The following DIS3 variants were observed in gnomAD, a reference collection of about 807,000 sequenced individuals.
DIS3 encodes DIS3 exosome endoribonuclease and 3'-5' exoribonuclease.
In DIS3, 103 loss-of-function variants were observed where a neutral mutation model predicts 113.0. That is an observed-to-expected ratio of 0.91 (90% confidence interval 0.78 to 1.07). The LOEUF (loss-of-function observed/expected upper bound fraction) is 1.07, where lower values mean the gene tolerates loss of function less well. Ranked by LOEUF, DIS3 falls within the 50% of genes least tolerant of loss-of-function variation. The pLI is 0.00. For synonymous variants in DIS3, 402 were observed against 394.3 expected (o/e 1.02, Z -0.23); for missense variants, 1,121 against 1,167.1 (o/e 0.96, Z 0.58).
intron 14 of DIS3, among the ~76,000 whole-genome samples, chr13:72,768,306 A>T (rs1163851244): frequency 1.3e-5 from 2 of 152,208 alleles, no homozygotes; most frequent in African/African-American, 4.8e-5. Flanking sequence ...AATTACAAGG[A>T]TGGAACTCCT....
At chr13:72,777,069 TC>T (rs2034033721) in intron 4 of DIS3, among the ~76,000 whole-genome samples, 1 of 152,160 alleles carries the variant, frequency 6.6e-6, no homozygotes, top group African/African-American at 2.4e-5. Context: ...ATCTGGACAC[TC>T]CCCTCCCTCT....
At chr13:72,779,879 T>C (rs2058869489) in intron 2 of DIS3, among the ~76,000 whole-genome samples, 1 of 152,134 alleles carries the variant, frequency 6.6e-6, no homozygotes, top group Non-Finnish European at 1.5e-5. Context: ...CAGTTCAAAA[T>C]ATCTATAATG....
intron 19 of DIS3, 129 bp downstream of exon 19, chr13:72,761,234 A>T: frequency 8.4e-7 from 1 of 1,192,698 alleles, no homozygotes; most frequent in East Asian, 2.7e-5. Context: ...ATTTTCTGGC[A>T]TGTATTTGGA....
chr13:72,780,908 G>C lies in DIS3; in HGVS notation c.324C>G (p.Arg108=). 1 of 1,613,262 alleles carries C rather than the reference G, an allele frequency of 6.2e-7. No homozygotes were observed. The highest frequency in any genetic ancestry group is 2.2e-5 in the East Asian group (1 of 44,854). The change falls in exon 2 of 21, where the codon CGC becomes CGG. Residue 108 remains arginine, a synonymous_variant. Coordinates refer to ENST00000377767, the MANE Select transcript of DIS3 (RefSeq NM_014953.5). Reference sequence around the variant, plus strand: ...CTTGGTTATTAGTCACATCTCGGATGCGTTTATATACGGGGGCACTGCGAT... The same window carrying C: ...CTTGGTTATTAGTCACATCTCGGATCCGTTTATATACGGGGGCACTGCGAT... ...VRNRSAPVYK[R]IRDVTNNQEK...
chr13:72,778,263 C>G lies in DIS3; in HGVS notation c.504G>C (p.Gln168His). Reference protein sequence around the residue: ...EHLKKMSADNQLQVIFITNDR... With the variant: ...EHLKKMSADNHLQVIFITNDR... ...CATTTGTTATGAAGATAACTTGCAG[C>G]TGGTTGTCTGCTGACATTTTTTTCA... The change falls in exon 3 of 21, where the codon CAG becomes CAC. Residue 168 changes from glutamine to histidine, a missense_variant. Coordinates refer to ENST00000377767, the MANE Select transcript of DIS3 (RefSeq NM_014953.5). 6.2e-7 allele frequency: 1 copy of G among 1,607,576 alleles called. No homozygotes were observed.
intron 6 of DIS3, among the ~76,000 whole-genome samples, chr13:72,774,914 T>C (rs2033972018): frequency 6.6e-6 from 1 of 152,160 alleles, no homozygotes; most frequent in African/African-American, 2.4e-5. Context: ...AAACACATAT[T>C]TACTTAAATC....
In DIS3 at chr13:72,755,121, GA is replaced by G. The variant is rs753838350; in HGVS notation, c.*4673del. On this transcript the variant is annotated 3_prime_UTR_variant, in exon 21 of 21. Coordinates refer to ENST00000377767, the MANE Select transcript of DIS3 (RefSeq NM_014953.5). Reference sequence around the variant, plus strand: ...ATCCTCCAGTGGTCCTACTTAAACTGAAAACAAGGTATTGTCTTCTTTTTCA... The same window carrying G: ...ATCCTCCAGTGGTCCTACTTAAACTGAAACAAGGTATTGTCTTCTTTTTCA... The G allele has an allele frequency of 6.2e-7, 1 of 1,604,420 alleles. No homozygotes were observed. Among genetic ancestry groups the G allele is most frequent in the Admixed American group, 1.7e-5 (1 of 59,936 alleles).
At position 72,761,995 on chromosome 13, in the gene DIS3, CCAGAA is replaced by C; in HGVS notation, c.2265_2269del (p.Cys755TrpfsTer4). On this transcript the variant is annotated frameshift_variant, in exon 17 of 21. Transcript: ENST00000377767. LOFTEE classifies it high-confidence loss of function. ...ATAGTGATGAAAATCATTATCCATT[CCAGAA>C]CAGAAGTACACAGCTTGCATCATAC... 6.2e-7 allele frequency: 1 copy of C among 1,614,116 alleles called. No homozygotes were observed. Among genetic ancestry groups the C allele is most frequent in the Non-Finnish European group, 8.5e-7 (1 of 1,180,014 alleles).
In DIS3 at chr13:72,770,893, A is replaced by T. The variant is rs1021505240; in HGVS notation, c.1755+11T>A. 2.5e-6 allele frequency: 4 copies of T among 1,574,526 alleles called. No individual in the cohort carries two copies. In the Admixed American group the frequency reaches 5.6e-5, roughly 22 times the overall value. ...GTTTAAAAATTAGAGATTAATAGCC[A>T]TGAAACGAACCTTTGAATTAATAAC... On this transcript the variant is annotated intron_variant, in intron 13 of 20. Coordinates refer to ENST00000377767, the MANE Select transcript of DIS3 (RefSeq NM_014953.5).
chr13:72,759,437 T>C lies in DIS3; in HGVS notation c.*358A>G, dbSNP rs2033571295. ...TTTTCCTCTGTAGGAAAATGAAAGTTTTTTCTTACAAATATTAAATAATCA... is the reference window on the plus strand; with the variant it reads ...TTTTCCTCTGTAGGAAAATGAAAGTCTTTTCTTACAAATATTAAATAATCA... On this transcript the variant is annotated 3_prime_UTR_variant, in exon 21 of 21. Transcript: ENST00000377767. The C allele has an allele frequency of 4.3e-6, 1 of 231,716 alleles. No individual in the cohort carries two copies. Among genetic ancestry groups the C allele is most frequent in the Non-Finnish European group, 8.5e-6 (1 of 117,596 alleles). 14.4% of individuals were successfully genotyped at this position (231,716 alleles called of 1,614,324 possible). A position where few individuals can be genotyped will look rare whatever the true frequency, so the allele number is the denominator to read the frequency against.
At chr13:72,775,188 A>G in intron 6 of DIS3, 23 bp downstream of exon 6, 1 of 1,580,808 alleles carries the variant, frequency 6.3e-7, no homozygotes. Flanking sequence ...ACAGACAAAA[A>G]AAAATCCTGC....
intron 4 of DIS3, 120 bp from the exon 5 acceptor site, chr13:72,776,212 G>C (rs999195129): frequency 2.1e-5 from 20 of 935,606 alleles, no homozygotes; most frequent in Non-Finnish European, 2.5e-5. Flanking sequence ...ACTCTGAATA[G>C]GAGAGAAGAT....
intron 15 of DIS3, among the ~76,000 whole-genome samples, 183 bp downstream of exon 15, chr13:72,765,789 C>T (rs144327622): frequency 3.6e-4 from 55 of 152,284 alleles, no homozygotes; most frequent in African/African-American, 1.3e-3. Context: ...CGACTAAACG[C>T]AGTTTTATAG....
chr13:72,777,833 T>G (rs1013991449), intron 3 of DIS3, among the ~76,000 whole-genome samples: 1 of 151,956 alleles, frequency 6.6e-6, no homozygotes, highest in African/African-American at 2.4e-5. Context: ...GCAAGCCTCT[T>G]GCCCTGACCT....
intron 19 of DIS3, 129 bp from the exon 20 acceptor site, chr13:72,760,780 A>G (rs1593833947): frequency 2.6e-6 from 3 of 1,133,582 alleles, no homozygotes; most frequent in Non-Finnish European, 3.6e-6. Flanking sequence ...CGTGTTCAAC[A>G]TAACAAAGGC....
Position 72,772,234 on chromosome 13 carries a change from A to G in DIS3, c.1428T>C (p.Cys476=), listed in dbSNP as rs2033902474. ...CAGTACATCCTGGTGGGTCTACACTACAAATACACAGATGCCTCAGGTCTT... is the reference window on the plus strand; with the variant it reads ...CAGTACATCCTGGTGGGTCTACACTGCAAATACACAGATGCCTCAGGTCTT... The part of the protein sequence containing the change: ...NREDLRHLCI[C]SVDPPGCTDI... Residue 476 remains cysteine (C), a synonymous_variant, in exon 10 of 21, where the codon TGT becomes TGC. Coordinates refer to ENST00000377767, the MANE Select transcript of DIS3 (RefSeq NM_014953.5). The G allele has an allele frequency of 1.2e-6, 2 of 1,613,354 alleles. No homozygotes were observed. The highest frequency in any genetic ancestry group is 1.7e-6 in the Non-Finnish European group (2 of 1,179,894).
intron 14 of DIS3, among the ~76,000 whole-genome samples, chr13:72,767,455 G>C (rs1030693948): frequency 6.6e-6 from 1 of 152,104 alleles, no homozygotes; most frequent in African/African-American, 2.4e-5. Context: ...AAGCTTGAGT[G>C]AAAGTTTTGC....
At chr13:72,773,579 A>C (rs2033935727) in intron 8 of DIS3, 105 bp downstream of exon 8, 1 of 1,271,574 alleles carries the variant, frequency 7.9e-7, no homozygotes, top group Non-Finnish European at 1.1e-6. Flanking sequence ...TCTAAATTTC[A>C]GTACAAATTC....
At position 72,779,902 on chromosome 13, in the gene DIS3, A is replaced by T. The variant is rs139425565; in HGVS notation, c.386+944T>A. 5.1e-3 allele frequency among the ~76,000 whole-genome samples: 782 copies of T among 152,336 alleles called. 9 individuals are homozygous for T. The highest frequency in any genetic ancestry group is 0.017 in the African/African-American group (706 of 41,572). ...AATATCTATAATGCCAAGATTGAGA[A>T]GCCCTGATCTAATCCAATAAAAGTA... On this transcript the variant is annotated intron_variant, in intron 2 of 20. Transcript: ENST00000377767.
Sources: allele counts gnomAD v4.1 joint callset (sites outside exome capture counted in the v4.1 genomes callset), GRCh38; gene constraint gnomAD v4.1.1; transcripts MANE v1.5; gene names NCBI Gene and HGNC (gene_info 2026-07-23, HGNC 2026-07-21).